Variants in DCC observed in about 807,000 individuals in gnomAD.
The protein encoded by DCC is netrin receptor DCC.
In DCC, 58 loss-of-function variants were observed where a neutral mutation model predicts 172.5. The observed-to-expected ratio is 0.34, with a 90% CI of 0.27 to 0.42. The LOEUF (loss-of-function observed/expected upper bound fraction) is 0.42, where lower values mean the gene tolerates loss of function less well. DCC is among the 10% of genes least tolerant of loss of function. DCC has a pLI of 1.00. For synonymous variants in DCC, 709 were observed against 644.5 expected (o/e 1.10, Z -1.52); for missense variants, 1,740 against 1,791.0 (o/e 0.97, Z 0.51).
chr18:53,136,746 C>A (rs1416140139), intron 7 of DCC, among the ~76,000 whole-genome samples: 3 of 152,030 alleles, frequency 2.0e-5, no homozygotes, highest in Non-Finnish European at 2.9e-5. Flanking sequence ...TGTATGGGCA[C>A]AGTTTGTTGA....
intron 1 of DCC, among the ~76,000 whole-genome samples, chr18:52,733,497 T>A (rs1292819303): frequency 6.6e-6 from 1 of 152,002 alleles, no homozygotes; most frequent in African/African-American, 2.4e-5. Flanking sequence ...ACACCGCCTT[T>A]TTTTGTTTTT....
chr18:53,355,719 G>A (rs546563891), intron 15 of DCC, among the ~76,000 whole-genome samples: 70 of 152,228 alleles, frequency 4.6e-4, no homozygotes, highest in African/African-American at 1.6e-3. Context: ...TCTGTGAACA[G>A]GGACAGTTTG....
chr18:52,729,200 C>T (rs779654643), intron 1 of DCC, among the ~76,000 whole-genome samples: 8 of 152,070 alleles, frequency 5.3e-5, no homozygotes, highest in Admixed American at 2.6e-4. Flanking sequence ...TGTGATTATG[C>T]CTAAATCTAG....
At chr18:52,776,818 T>C (rs1424847196) in intron 2 of DCC, among the ~76,000 whole-genome samples, 1 of 152,216 alleles carries the variant, frequency 6.6e-6, no homozygotes, top group African/African-American at 2.4e-5. Flanking sequence ...TTCTGCAAAC[T>C]AGTTATTTAA....
intron 1 of DCC, among the ~76,000 whole-genome samples, chr18:52,341,882 CAG>C (rs10555646): frequency 0.33 from 49,720 of 151,918 alleles, 8,187 homozygotes; most frequent in Non-Finnish European, 0.35. Context: ...GATGAGCATT[CAG>C]AGAGCCCTTC....
At chr18:53,158,339 A>G (rs1378226755) in intron 8 of DCC, among the ~76,000 whole-genome samples, 3 of 152,072 alleles carry the variant, frequency 2.0e-5, no homozygotes, top group Admixed American at 6.5e-5. Context: ...TTTTCTCAAC[A>G]TTTTCCCCTT....
At chr18:53,108,336 T>C (rs557457475) in intron 7 of DCC, among the ~76,000 whole-genome samples, 1 of 151,912 alleles carries the variant, frequency 6.6e-6, no homozygotes, top group Non-Finnish European at 1.5e-5. Context: ...TCCTGAATTG[T>C]ATTGAAACTT....
intron 1 of DCC, among the ~76,000 whole-genome samples, chr18:52,689,005 C>T (rs1056210497): frequency 2.6e-5 from 4 of 152,076 alleles, no homozygotes; most frequent in Non-Finnish European, 5.9e-5. Flanking sequence ...AAATTAGGCT[C>T]AGCTTTAGGC....
intron 2 of DCC, among the ~76,000 whole-genome samples, chr18:52,817,288 C>CAT (rs2038317968): frequency 6.6e-6 from 1 of 151,910 alleles, no homozygotes; most frequent in Admixed American, 6.6e-5. Flanking sequence ...TTTATAATAT[C>CAT]TGCCTTTATA....
chr18:52,360,532 C>T (rs1984572953), intron 1 of DCC, among the ~76,000 whole-genome samples: 1 of 152,186 alleles, frequency 6.6e-6, no homozygotes. Context: ...GGTAATAATG[C>T]AACCATGTAG....
At chr18:53,100,611 A>T (rs569956397) in intron 7 of DCC, among the ~76,000 whole-genome samples, 1 of 152,028 alleles carries the variant, frequency 6.6e-6, no homozygotes, top group South Asian at 2.1e-4. Context: ...AAAGGGACAA[A>T]GGAAGGGAGG....
intron 1 of DCC, among the ~76,000 whole-genome samples, chr18:52,573,213 A>G (rs1378626876): frequency 6.6e-6 from 1 of 152,174 alleles, no homozygotes; most frequent in Non-Finnish European, 1.5e-5. Context: ...TATCAATAAT[A>G]AAAATACATA....
At chr18:53,338,256 T>C (rs1342230112) in intron 14 of DCC, among the ~76,000 whole-genome samples, 1 of 152,202 alleles carries the variant, frequency 6.6e-6, no homozygotes. Context: ...TCCTGTATCC[T>C]GAACATTACA....
chr18:53,326,381 T>A (rs2144836588), intron 14 of DCC, among the ~76,000 whole-genome samples: 1 of 152,320 alleles, frequency 6.6e-6, no homozygotes, highest in Non-Finnish European at 1.5e-5. Context: ...AAAAAATTGA[T>A]AATACCAAAG....
chr18:52,686,456 A>G (rs1372736787), intron 1 of DCC, among the ~76,000 whole-genome samples: 2 of 152,040 alleles, frequency 1.3e-5, no homozygotes, highest in Non-Finnish European at 2.9e-5. Flanking sequence ...AAGAAACACA[A>G]CAGTATCTGG....
At chr18:52,633,139 T>A (rs1349959195) in intron 1 of DCC, among the ~76,000 whole-genome samples, 1 of 151,944 alleles carries the variant, frequency 6.6e-6, no homozygotes, top group African/African-American at 2.4e-5. Flanking sequence ...TCCTGTCCTG[T>A]CCTGTCCTGT....
chr18:53,257,747 C>T (rs2056540106), intron 12 of DCC, among the ~76,000 whole-genome samples: 1 of 152,034 alleles, frequency 6.6e-6, no homozygotes, highest in Non-Finnish European at 1.5e-5. Flanking sequence ...GGGAGGATTC[C>T]CTCTTTTTCT....
intron 1 of DCC, among the ~76,000 whole-genome samples, chr18:52,401,061 A>G (rs1024813226): frequency 2.0e-5 from 3 of 151,932 alleles, no homozygotes; most frequent in Non-Finnish European, 4.4e-5. Flanking sequence ...TATGTAACAA[A>G]CCTGCACGTT....
intron 5 of DCC, among the ~76,000 whole-genome samples, chr18:52,949,417 T>C (rs1598961270): frequency 6.6e-6 from 1 of 152,288 alleles, no homozygotes; most frequent in East Asian, 1.9e-4. Flanking sequence ...GGCAGAACCA[T>C]CCCAAAATGT....
Sources: allele counts gnomAD v4.1 joint callset (sites outside exome capture counted in the v4.1 genomes callset), GRCh38; gene constraint gnomAD v4.1.1; transcripts MANE v1.5; gene names NCBI Gene and HGNC (gene_info 2026-07-23, HGNC 2026-07-21).